RASSF3: variants seen among roughly 807,000 people sequenced by gnomAD.
RASSF3 encodes the protein ras association domain-containing protein 3.
A neutral mutation model predicts 19.9 loss-of-function variants in RASSF3; 19 were observed. The observed-to-expected ratio is 0.96, with a 90% confidence interval of 0.67 to 1.40. The LOEUF is 1.40. Among genes scored for constraint, RASSF3 ranks in the 40% most tolerant of loss-of-function variants. The pLI is 0.00. For synonymous variants in RASSF3, 110 were observed against 104.2 expected (o/e 1.06, Z -0.34); for missense variants, 306 against 289.8 (o/e 1.06, Z -0.41).
chr12:64,692,229 C>T (rs189005982), intron 4 of RASSF3, among the ~76,000 whole-genome samples: 1 of 152,246 alleles, frequency 6.6e-6, no homozygotes, highest in East Asian at 1.9e-4. Context: ...AGCTCCTGTC[C>T]CAGTCTTCTG....
At chr12:64,563,173 A>AT (rs111541685) in intron 2 of RASSF3, among the ~76,000 whole-genome samples, 9,847 of 145,512 alleles carry the variant, frequency 0.068, 1,142 homozygotes, top group African/African-American at 0.23. Flanking sequence ...TTTTATTTTT[A>AT]TTTTTTTTTT....
At chr12:64,516,659 A>G (rs533075425) in intron 1 of RASSF3, among the ~76,000 whole-genome samples, 80 of 150,896 alleles carry the variant, frequency 5.3e-4, no homozygotes, top group Middle Eastern at 6.8e-3. Flanking sequence ...ATTTACTCCC[A>G]ACATGATTAT....
chr12:64,550,463 A>G (rs11175442), intron 2 of RASSF3, among the ~76,000 whole-genome samples: 74,410 of 151,668 alleles, frequency 0.49, 18,820 homozygotes, highest in East Asian at 0.72. Context: ...TCAGGAGTTC[A>G]AGACCAGCCT....
intron 2 of RASSF3, among the ~76,000 whole-genome samples, chr12:64,586,751 C>T (rs1166119876): frequency 6.6e-6 from 1 of 151,614 alleles, no homozygotes; most frequent in Non-Finnish European, 1.5e-5. Context: ...GGTGAAACCC[C>T]TTCCCTACTA....
At chr12:64,551,725 A>G (rs986650005) in intron 2 of RASSF3, among the ~76,000 whole-genome samples, 1 of 152,182 alleles carries the variant, frequency 6.6e-6, no homozygotes, top group Non-Finnish European at 1.5e-5. Flanking sequence ...TTTCTTTAAT[A>G]CTCACAACAA....
chr12:64,664,329 C>A (rs1418952632), intron 1 of RASSF3, among the ~76,000 whole-genome samples: 1 of 152,104 alleles, frequency 6.6e-6, no homozygotes, highest in Non-Finnish European at 1.5e-5. Flanking sequence ...AGTATTTACC[C>A]TAATAATTTT....
In RASSF3 at chr12:64,695,253, CAG is replaced by C. The variant is rs1007393813; in HGVS notation, c.*343_*344del. 6.1e-5 allele frequency: 12 copies of C among 195,480 alleles called. No homozygotes were observed. Among genetic ancestry groups the C allele is most frequent in the African/African-American group, 2.6e-4 (11 of 42,846 alleles). 12.1% of individuals were successfully genotyped at this position (195,480 alleles called of 1,614,324 possible). ...TTATGTGATGATGCTGTTAAGCTTA[CAG>C]ATATGCAGTTGATTTTTTAAAAAGC... is the stretch of plus-strand genomic sequence containing the variant. On this transcript the variant is annotated 3_prime_UTR_variant, in exon 5 of 5. Transcript: ENST00000542104.
At chr12:64,560,040 A>G (rs554381149) in intron 2 of RASSF3, among the ~76,000 whole-genome samples, 79 of 152,248 alleles carry the variant, frequency 5.2e-4, no homozygotes, top group Admixed American at 4.7e-3. Context: ...ACAACCTCCC[A>G]CCAGGTCTCC....
At chr12:64,688,524 A>T in intron 3 of RASSF3, 71 bp downstream of exon 3, 1 of 1,098,446 alleles carries the variant, frequency 9.1e-7, no homozygotes, top group Non-Finnish European at 1.4e-6. Flanking sequence ...TAGCAGAGGG[A>T]AGACTGGTGG....
At chr12:64,558,718 T>C (rs1391574195) in intron 2 of RASSF3, among the ~76,000 whole-genome samples, 1 of 152,148 alleles carries the variant, frequency 6.6e-6, no homozygotes, top group African/African-American at 2.4e-5. Context: ...CTGTAAGGAT[T>C]ATTACAGTAG....
chr12:64,603,098 CA>C (rs376205043), intron 2 of RASSF3, among the ~76,000 whole-genome samples: 4 of 142,114 alleles, frequency 2.8e-5, no homozygotes, highest in African/African-American at 5.3e-5. Flanking sequence ...AACTCTGTCT[CA>C]AAAAAAAAGA....
intron 2 of RASSF3, among the ~76,000 whole-genome samples, chr12:64,588,895 A>G (rs1193526426): frequency 2.6e-5 from 4 of 152,212 alleles, no homozygotes; most frequent in African/African-American, 9.6e-5. Context: ...GACCCTCTTT[A>G]TGTAACTTTT....
chr12:64,668,256 T>TTTCTTCTTCTTCTTC (rs139462401), intron 1 of RASSF3, among the ~76,000 whole-genome samples: 7,274 of 148,816 alleles, frequency 0.049, 250 homozygotes, highest in African/African-American at 0.084. Context: ...TACCAATCCT[T>TTTCTTCTTCTTCTTC]TTCTTCTTCT....
intron 2 of RASSF3, among the ~76,000 whole-genome samples, chr12:64,593,093 T>C (rs1329158121): frequency 6.6e-6 from 1 of 152,206 alleles, no homozygotes; most frequent in African/African-American, 2.4e-5. Flanking sequence ...ACACATTACA[T>C]TCACACATTT....
At chr12:64,572,473 G>T (rs1869534894) in intron 2 of RASSF3, among the ~76,000 whole-genome samples, 1 of 152,162 alleles carries the variant, frequency 6.6e-6, no homozygotes, top group Non-Finnish European at 1.5e-5. Context: ...AGCCTACAGA[G>T]CTGGGAGGCA....
chr12:64,598,932 C>T (rs1269419768), intron 2 of RASSF3: 1 of 136,710 alleles, frequency 7.3e-6, no homozygotes, highest in Admixed American at 7.9e-5. Context: ...TGTTCCTCTT[C>T]CTGGAGACAC....
At chr12:64,638,255 A>T (rs1871390541) in intron 1 of RASSF3, among the ~76,000 whole-genome samples, 1 of 152,224 alleles carries the variant, frequency 6.6e-6, no homozygotes, top group Non-Finnish European at 1.5e-5. Context: ...TCTTTTTACT[A>T]TTAAAGTAAT....
intron 1 of RASSF3, among the ~76,000 whole-genome samples, chr12:64,642,559 CAAAAAAAAAAA>C (rs67771603): frequency 0.014 from 619 of 43,994 alleles, 7 homozygotes; most frequent in African/African-American, 0.047. Context: ...GACTCCATCT[CAAAAAAAAAAA>C]AAAAAAAAAA....
downstream of RASSF3, among the ~76,000 whole-genome samples, chr12:64,543,789 A>C (rs1198510764): frequency 2.0e-5 from 3 of 151,878 alleles, no homozygotes; most frequent in South Asian, 2.1e-4. Context: ...GGCTCTCAGT[A>C]TCTAGCTCAA....
Sources: allele counts gnomAD v4.1 joint callset (sites outside exome capture counted in the v4.1 genomes callset), GRCh38; gene constraint gnomAD v4.1.1; transcripts MANE v1.5; gene names NCBI Gene and HGNC (gene_info 2026-07-23, HGNC 2026-07-21).